Variants in ATG9A observed in about 807,000 individuals in gnomAD.
ATG9A encodes autophagy related 9A.
In ATG9A, 21 loss-of-function variants were observed where a neutral mutation model predicts 87.1. The observed-to-expected ratio is 0.24, with a 90% confidence interval of 0.17 to 0.35. The LOEUF (loss-of-function observed/expected upper bound fraction) is 0.35. Among genes scored for constraint, ATG9A ranks in the 10% least tolerant of loss-of-function variants. The pLI is 1.00. For synonymous variants in ATG9A, 422 were observed against 441.3 expected, an observed-to-expected ratio of 0.96 and a Z score of 0.55; for missense variants, 836 against 1,107.3, an observed-to-expected ratio of 0.76 and a Z score of 3.48.
rs1574835046 is a variant in ATG9A, at chr2:219,227,820, G to A, written c.104-7C>T. 9 of 1,613,968 alleles carry A rather than the reference G, an allele frequency of 5.6e-6. No individual in the cohort carries two copies. The highest frequency in any genetic ancestry group is 1.3e-5 in the African/African-American group (1 of 75,032). ...TCAATATGGTGCCAAGGTGCTGTGG[G>A]ATAGGAACAGAGATGTCAGAGCCCT... On this transcript the variant is annotated splice_region_variant and splice_polypyrimidine_tract_variant and intron_variant, in intron 3 of 15. Transcript: ENST00000361242.
At chr2:219,226,828 T>C (rs1303905730) in intron 5 of ATG9A, 41 bp downstream of exon 5, 3 of 1,541,580 alleles carry the variant, frequency 1.9e-6, no homozygotes, top group East Asian at 2.2e-5. Flanking sequence ...AAGACTAAGA[T>C]GTATTCTTTC....
rs562044955 is a variant in ATG9A at position 219,222,410 on chromosome 2, C to T, written c.1889G>A (p.Cys630Tyr). 28 of 1,581,120 alleles carry T rather than the reference C, an allele frequency of 1.8e-5. No individual in the cohort carries two copies. The South Asian group carries it at 2.6e-4, about 15-fold the overall frequency. Residue 630 changes from cysteine to tyrosine, a missense_variant, in exon 12 of 16, where the codon TGC (cysteine) becomes TAC (tyrosine). This residue lies in a region of ATG9A where 324 missense variants were observed against 347.6 expected (regional missense o/e 0.93). Transcript: ENST00000361242. This position sits in a 1 kb window ranked among gnomAD's most constrained non-coding sequence, Gnocchi z 4.3. The part of the protein sequence containing the change: ...LIANVVAGSS[C>Y]RGPPLPRDLQ... ...GTCTCTGGGCAGTGGAGGGCCCCGG[C>T]AGGATGAGCCAGCTACCACATTTGC...
At chr2:219,227,843 C>T (rs909792723) in intron 3 of ATG9A, 30 bp from the exon 4 acceptor site, 2 of 1,613,526 alleles carry the variant, frequency 1.2e-6, no homozygotes, top group Non-Finnish European at 1.7e-6. Flanking sequence ...ATGTCAGAGC[C>T]CTGGGAGAAC....
At chr2:219,228,177 G>C in intron 2 of ATG9A, 124 bp from the exon 3 acceptor site, 1 of 643,146 alleles carries the variant, frequency 1.6e-6, no homozygotes, top group East Asian at 2.8e-5. Flanking sequence ...CCTTGGCTCA[G>C]AGGCAGAGGA....
In ATG9A at chr2:219,224,006, G is replaced by A; in HGVS notation, c.1282C>T (p.Gln428Ter). 6.2e-7 allele frequency: 1 copy of A among 1,611,908 alleles called. No individual in the cohort carries two copies. The highest frequency in any genetic ancestry group is 8.5e-7 in the Non-Finnish European group (1 of 1,178,664). ...TGCTCAGGGCAGAACACCATGTGCT[G>A]GTCCGGGATAAAGGACCTAGTGGGA... ...VTVCRSFIPD[Q>*]HMVFCPEQLL... Residue 428 changes from glutamine to a stop codon, truncating the protein, a stop_gained, in exon 9 of 16, where the codon CAG becomes TAG. Coordinates refer to ENST00000361242, the MANE Select transcript of ATG9A (RefSeq NM_001077198.3). LOFTEE classifies it high-confidence loss of function. The surrounding 1 kb of genome is among the most constrained non-coding windows in gnomAD (Gnocchi z 7.7).
At position 219,224,114 on chromosome 2, in the gene ATG9A, G is replaced by A. The variant is rs752160504; in HGVS notation, c.1257C>T (p.Thr419=). The change falls in exon 8 of 16, where the codon ACC becomes ACT. Residue 419 remains threonine (T), a synonymous_variant. Transcript: ENST00000361242. This position sits in a 1 kb window ranked among gnomAD's most constrained non-coding sequence, Gnocchi z 7.7. ...CTGTGGCCCTGGCCCACCTGCACAC[G>A]GTCACGGTGACCCCCAGGAGTGTGA... ...TTVTLLGVTV[T]VCRSFIPDQH... is the part of the protein sequence containing the mutation. 24 of 1,612,922 alleles carry A rather than the reference G, an allele frequency of 1.5e-5. No individual in the cohort carries two copies. Among genetic ancestry groups the A allele is most frequent in the Middle Eastern group, 1.7e-4 (1 of 6,056 alleles).
intron 1 of ATG9A, chr2:219,228,828 C>T (rs1266870802): frequency 2.0e-5 from 3 of 152,290 alleles, no homozygotes; most frequent in East Asian, 3.8e-4. Flanking sequence ...CCTCAAGAGT[C>T]TTTCCTGAAG....
rs1242596401 is a variant in ATG9A, at chr2:219,223,525, C to T, written c.1599+60G>A. 21 of 1,517,450 alleles carry T rather than the reference C, an allele frequency of 1.4e-5. No homozygotes were observed. The highest frequency in any genetic ancestry group is 3.9e-5 in the South Asian group (3 of 76,562). 94.0% of individuals were successfully genotyped at this position (1,517,450 alleles called of 1,614,324 possible). On this transcript the variant is annotated intron_variant, in intron 10 of 15. Coordinates refer to ENST00000361242, the MANE Select transcript of ATG9A (RefSeq NM_001077198.3). This position sits in a 1 kb window ranked among gnomAD's most constrained non-coding sequence, Gnocchi z 4.7. ...GAGAGGTGTCTTTTTGCGGTTTTCCCAAAGACACTGTATGTTCCAGCATCA... is the reference window on the plus strand; with the variant it reads ...GAGAGGTGTCTTTTTGCGGTTTTCCTAAAGACACTGTATGTTCCAGCATCA...
rs768780246 is a variant in ATG9A, at chr2:219,222,394, C to A, written c.1905G>T (p.Leu635=). The change falls in exon 12 of 16, where the codon CTG becomes CTT. Residue 635 remains leucine (L), a synonymous_variant. Transcript: ENST00000361242. The surrounding 1 kb of genome is among the most constrained non-coding windows in gnomAD (Gnocchi z 4.3). ...VAGSSCRGPP[L]PRDLQGSRHR... ...GCCTGGAGCCCTGCAGGTCTCTGGG[C>A]AGTGGAGGGCCCCGGCAGGATGAGC... is the stretch of plus-strand genomic sequence containing the variant. 6.3e-7 allele frequency: 1 copy of A among 1,598,774 alleles called. No homozygotes were observed. Among genetic ancestry groups the A allele is most frequent in the Admixed American group, 1.7e-5 (1 of 57,264 alleles).
rs1257089953 is a variant in ATG9A, at chr2:219,224,273, A to G, written c.1098T>C (p.Asn366=). The change falls in exon 8 of 16, where the codon AAT becomes AAC. Residue 366 remains asparagine, a synonymous_variant. Transcript: ENST00000361242. The surrounding 1 kb of genome is among the most constrained non-coding windows in gnomAD (Gnocchi z 7.7). ...GTGTCAAAAGAGGTGACAAGAAGCA[A>G]TTCATGTACTTGGAGGCGGGCTTGT... ...RGYKPASKYM[N]CFLSPLLTLL... is the part of the protein sequence containing the mutation. 14 of 1,613,974 alleles carry G rather than the reference A, an allele frequency of 8.7e-6. No homozygotes were observed. Among genetic ancestry groups the G allele is most frequent in the Non-Finnish European group, 1.2e-5 (14 of 1,180,032 alleles).
intron 4 of ATG9A, 103 bp from the exon 5 acceptor site, chr2:219,227,036 C>A: frequency 1.0e-6 from 1 of 961,818 alleles, no homozygotes. Flanking sequence ...GACTTTCTAG[C>A]TGTGTGACTT....
Position 219,222,736 on chromosome 2 carries a change from C to T in ATG9A, c.1757G>A (p.Arg586Gln), listed in dbSNP as rs376667493. ...GGCGAGGCTAGCAGCTGCTCCATCC[C>T]GCTGAACCTGCTCCTTGAGGAAGCC... is the stretch of plus-strand genomic sequence containing the variant. ...FLGFLKEQVQRDGAAASLAQG... is the reference protein window; with the variant it reads ...FLGFLKEQVQQDGAAASLAQG... The change falls in exon 11 of 16, where the codon CGG becomes CAG. Residue 586 changes from arginine (R) to glutamine (Q), a missense_variant. Arg to Gln is a conservative substitution (Grantham distance 43). Around this residue, in one of 2 missense-constraint regions of ATG9A, gnomAD observed 324 missense variants for 347.6 expected, o/e 0.93. Transcript: ENST00000361242. The surrounding 1 kb of genome is among the most constrained non-coding windows in gnomAD (Gnocchi z 4.3). The T allele has an allele frequency of 3.1e-5, 50 of 1,614,190 alleles. No homozygotes were observed. The highest frequency in any genetic ancestry group is 1.6e-4 in the African/African-American group (12 of 75,052).
Position 219,220,792 on chromosome 2 carries a change from C to T in ATG9A, c.2469G>A (p.Val823=). 1 of 1,613,506 alleles carries T rather than the reference C, an allele frequency of 6.2e-7. No individual in the cohort carries two copies. The highest frequency in any genetic ancestry group is 1.1e-5 in the South Asian group (1 of 91,080). ...GCTCATCCTCCGAGCCCTCTTCGGG[C>T]ACGGGCTCAGGGTGCCTTGATGCCG... The part of the protein sequence containing the change: ...GQSASRHPEP[V]PEEGSEDELP... Residue 823 remains valine, a synonymous_variant, in exon 15 of 16, where the codon GTG becomes GTA. Coordinates refer to ENST00000361242, the MANE Select transcript of ATG9A (RefSeq NM_001077198.3).
chr2:219,226,820 G>A (rs535142384), intron 5 of ATG9A, 49 bp downstream of exon 5: 2 of 1,543,636 alleles, frequency 1.3e-6, no homozygotes, highest in African/African-American at 2.7e-5. Flanking sequence ...GGAGAGGAAA[G>A]ACTAAGATGT....
rs1390668524 is a variant in ATG9A at position 219,220,172 on chromosome 2, G to T, written c.*275C>A. On this transcript the variant is annotated 3_prime_UTR_variant, in exon 16 of 16. Transcript: ENST00000361242. ...TGTAAAGGTGGCAGTACTGGGGCTG[G>T]GCTGGGGGCCAGTTTCTAGCACCAC... 4 of 502,748 alleles carry T rather than the reference G, an allele frequency of 8.0e-6. No homozygotes were observed. In the Admixed American group the frequency reaches 1.3e-4, roughly 16 times the overall value. The allele number at this position is 502,748 out of a possible 1,614,324, so 31.1% of individuals were successfully genotyped here.
chr2:219,220,654 G>C (rs1950734756), intron 15 of ATG9A, 93 bp downstream of exon 15: 1 of 1,523,236 alleles, frequency 6.6e-7, no homozygotes, highest in Non-Finnish European at 9.0e-7. Context: ...CTCTGTGTGG[G>C]GGTGGGGCAT....
chr2:219,228,807 G>A (rs1446670492), intron 1 of ATG9A: 1 of 152,218 alleles, frequency 6.6e-6, no homozygotes, highest in African/African-American at 2.4e-5. Context: ...TACTTCTCAG[G>A]GTCCACAAAA....
intron 5 of ATG9A, among the ~76,000 whole-genome samples, chr2:219,226,442 C>T (rs1032196251): frequency 3.3e-5 from 5 of 151,980 alleles, no homozygotes; most frequent in African/African-American, 7.2e-5. Context: ...CCCGGCACTT[C>T]GGGAGGTTGA....
chr2:219,224,384 T>G lies in ATG9A; in HGVS notation c.987A>C (p.Ala329=), dbSNP rs1950821894. 2.5e-6 allele frequency: 4 copies of G among 1,613,856 alleles called. No individual in the cohort carries two copies. In the East Asian group the frequency reaches 8.9e-5, roughly 36 times the overall value. The change falls in exon 8 of 16, where the codon GCA becomes GCC. Residue 329 remains alanine, a synonymous_variant. Transcript: ENST00000361242. This position sits in a 1 kb window ranked among gnomAD's most constrained non-coding sequence, Gnocchi z 7.7. ...VLKREPGALG[A]RCWSLYGRCY... is the part of the protein sequence containing the mutation. ...AGCGGCCATAGAGTGACCAGCAGCG[T>G]GCTCCCAGGGCCCCCGGCTCCCGCT...
Sources: allele counts gnomAD v4.1 joint callset (sites outside exome capture counted in the v4.1 genomes callset), GRCh38; gene constraint gnomAD v4.1.1; regional missense constraint gnomAD v4.1.1; non-coding constraint Gnocchi (gnomAD v3.1); transcripts MANE v1.5; gene names NCBI Gene and HGNC (gene_info 2026-07-23, HGNC 2026-07-21).